SLMAP: variants seen among roughly 807,000 people sequenced by gnomAD.
SLMAP encodes the protein sarcolemmal membrane-associated protein.
Under a neutral mutation model 128.8 loss-of-function variants are expected in SLMAP, and 44 were observed. The observed-to-expected ratio is 0.34, with a 90% CI of 0.27 to 0.44. The LOEUF (loss-of-function observed/expected upper bound fraction) is 0.44. Ranked by LOEUF, SLMAP falls within the 20% of genes least tolerant of loss-of-function variation. SLMAP has a pLI of 1.00. For synonymous variants in SLMAP, 327 were observed against 348.8 expected (o/e 0.94, Z 0.70); for missense variants, 787 against 985.3 (o/e 0.80, Z 2.69).
At chr3:57,910,418 G>A (rs1376084621) in intron 19 of SLMAP, among the ~76,000 whole-genome samples, 1 of 151,882 alleles carries the variant, frequency 6.6e-6, no homozygotes, top group East Asian at 1.9e-4. Context: ...TCCTGACCTC[G>A]TGATCCACCC....
intron 13 of SLMAP, among the ~76,000 whole-genome samples, chr3:57,865,867 C>A (rs1021206671): frequency 6.6e-6 from 1 of 152,118 alleles, no homozygotes; most frequent in Non-Finnish European, 1.5e-5. Context: ...TGTCACTACA[C>A]GGGGTACTTT....
At chr3:57,772,880 T>C (rs1576251636) in intron 2 of SLMAP, among the ~76,000 whole-genome samples, 1 of 152,114 alleles carries the variant, frequency 6.6e-6, no homozygotes, top group South Asian at 2.1e-4. Flanking sequence ...CCTTAGGTGA[T>C]CCGCCCGCCT....
chr3:57,793,943 T>A lies in SLMAP; in HGVS notation c.198+36094T>A, dbSNP rs266845. 8.1e-3 allele frequency among the ~76,000 whole-genome samples: 1,226 copies of A among 151,644 alleles called. 9 individuals carry two copies. Among genetic ancestry groups the A allele is most frequent in the Non-Finnish European group, 0.013 (912 of 67,862 alleles). ...CCTGCTGGGTGTGATGGTGTATTCCTGTAGCCCCAGCTACTCAGGACTCTG... is the reference window on the plus strand; with the variant it reads ...CCTGCTGGGTGTGATGGTGTATTCCAGTAGCCCCAGCTACTCAGGACTCTG... On this transcript the variant is annotated intron_variant, in intron 2 of 24. Transcript: ENST00000671191.
At chr3:57,904,746 G>T (rs1161094641) in intron 17 of SLMAP, among the ~76,000 whole-genome samples, 2 of 152,116 alleles carry the variant, frequency 1.3e-5, no homozygotes, top group East Asian at 3.8e-4. Flanking sequence ...AGACATTTTA[G>T]TTGTTGTAAA....
chr3:57,772,256 T>A (rs561774991), intron 2 of SLMAP, among the ~76,000 whole-genome samples: 47 of 152,320 alleles, frequency 3.1e-4, no homozygotes. Context: ...TTGAAAGGCA[T>A]TCCCCAGAAG....
chr3:57,863,769 CA>C (rs2095201331), intron 10 of SLMAP, among the ~76,000 whole-genome samples: 1 of 152,180 alleles, frequency 6.6e-6, no homozygotes, highest in Non-Finnish European at 1.5e-5. Context: ...CACTGAGGAT[CA>C]AATTTCAACA....
intron 6 of SLMAP, among the ~76,000 whole-genome samples, chr3:57,851,649 T>G (rs186176576): frequency 6.6e-6 from 1 of 151,888 alleles, no homozygotes; most frequent in Admixed American, 6.6e-5. Context: ...ATTTTTTGTA[T>G]TTTTAATAGA....
rs2092875782 is a variant in SLMAP, at chr3:57,825,691, A to T, written c.199-5692A>T. On this transcript the variant is annotated intron_variant, in intron 2 of 24. Transcript: ENST00000671191. ...AAAGCCTTGCACCAGTTCTTCCTAT[A>T]GCCCCAGACAGGTGAAAATTAGACA... 1.3e-5 allele frequency among the ~76,000 whole-genome samples: 2 copies of T among 152,064 alleles called. 1 individual carries two copies. The highest frequency in any genetic ancestry group is 4.1e-4 in the South Asian group (2 of 4,826).
intron 2 of SLMAP, among the ~76,000 whole-genome samples, chr3:57,794,975 G>A (rs890387109): frequency 2.6e-5 from 4 of 152,160 alleles, no homozygotes; most frequent in African/African-American, 4.8e-5. Flanking sequence ...TGGTAACTCC[G>A]TGTTTAACAT....
rs754469455 is a variant in SLMAP at position 57,912,471 on chromosome 3, C to T, written c.1790C>T (p.Ala597Val). 1.2e-5 allele frequency: 20 copies of T among 1,614,074 alleles called. No homozygotes were observed. The Admixed American group carries it at 2.5e-4, about 20-fold the overall frequency. ...AGTACTAGAGATGAATTGCTTAGTG[C>T]CCGAGATGAAATTTTGCTCCTTCAT... Reference protein sequence around the residue: ...ITSTRDELLSARDEILLLHQA... With the variant: ...ITSTRDELLSVRDEILLLHQA... The change falls in exon 20 of 25, where the codon GCC becomes GTC. Residue 597 changes from alanine to valine, a missense_variant. Coordinates refer to ENST00000671191, the MANE Select transcript of SLMAP (RefSeq NM_001377540.1).
intron 15 of SLMAP, among the ~76,000 whole-genome samples, chr3:57,892,404 G>A (rs750369917): frequency 6.6e-6 from 1 of 152,100 alleles, no homozygotes; most frequent in Non-Finnish European, 1.5e-5. Context: ...GTCATTACAT[G>A]TCTATATATA....
At chr3:57,772,789 C>T (rs1032269595) in intron 2 of SLMAP, among the ~76,000 whole-genome samples, 2 of 151,970 alleles carry the variant, frequency 1.3e-5, no homozygotes, top group African/African-American at 2.4e-5. Context: ...TACAGGCATG[C>T]GCCACCACGC....
chr3:57,784,242 A>G (rs2083624321), intron 2 of SLMAP, among the ~76,000 whole-genome samples: 3 of 152,276 alleles, frequency 2.0e-5, no homozygotes, highest in South Asian at 4.1e-4. Flanking sequence ...GGCTGCAGGC[A>G]TAAGACTCCA....
chr3:57,840,684 G>A (rs1414885555), intron 3 of SLMAP, among the ~76,000 whole-genome samples: 1 of 152,178 alleles, frequency 6.6e-6, no homozygotes, highest in Non-Finnish European at 1.5e-5. Context: ...GGGGGTGGAG[G>A]AAGAAACAAC....
At chr3:57,895,421 C>T (rs2096215513) in intron 15 of SLMAP, among the ~76,000 whole-genome samples, 1 of 152,000 alleles carries the variant, frequency 6.6e-6, no homozygotes, top group South Asian at 2.1e-4. Context: ...CTGCAACCTC[C>T]ACCTCCCGAG....
intron 2 of SLMAP, among the ~76,000 whole-genome samples, chr3:57,759,525 C>G (rs2078208607): frequency 6.6e-6 from 1 of 152,196 alleles, no homozygotes; most frequent in Non-Finnish European, 1.5e-5. Context: ...ATCCACCTGC[C>G]TCAACCTCCC....
chr3:57,835,769 T>G (rs912260635), intron 3 of SLMAP, among the ~76,000 whole-genome samples: 2 of 152,218 alleles, frequency 1.3e-5, no homozygotes, highest in African/African-American at 4.8e-5. Flanking sequence ...TGAAAATGTA[T>G]GGACTAAATT....
At position 57,850,017 on chromosome 3, in the gene SLMAP, A is replaced by T. The variant is rs552909490; in HGVS notation, c.519+201A>T. The stretch of plus-strand genomic sequence containing the variant: ...AGTGAGACCCCTTTAATTTAAAAAA[A>T]TTTTTTTAATTAACCAGGTGTGATG... On this transcript the variant is annotated intron_variant, in intron 6 of 24. Transcript: ENST00000671191. Among the ~76,000 whole-genome samples, 24 of 152,136 alleles carry T rather than the reference A, an allele frequency of 1.6e-4. No homozygotes were observed. In the East Asian group the frequency reaches 2.1e-3, roughly 13 times the overall value.
At chr3:57,890,122 GTT>G in intron 15 of SLMAP, 22 bp downstream of exon 15, 1 of 1,611,346 alleles carries the variant, frequency 6.2e-7, no homozygotes, top group Non-Finnish European at 8.5e-7. Flanking sequence ...GTTTTTCTAT[GTT>G]TTTTGACAGT....
Sources: gnomAD v4.1 joint callset for allele counts (sites outside exome capture counted in the v4.1 genomes callset) on GRCh38, gnomAD v4.1.1 for gene constraint, MANE v1.5 for transcripts, NCBI Gene and HGNC (gene_info 2026-07-23, HGNC 2026-07-21) for gene names.